Variants in MTTP observed in about 807,000 individuals in gnomAD.
MTTP encodes microsomal triglyceride transfer protein large subunit.
A neutral mutation model predicts 90.6 loss-of-function variants in MTTP; 49 were observed. The observed-to-expected ratio is 0.54, with a 90% confidence interval of 0.43 to 0.69. The LOEUF (loss-of-function observed/expected upper bound fraction) is 0.69. Ranked by LOEUF, MTTP falls within the 30% of genes least tolerant of loss-of-function variation. MTTP has a pLI of 0.00. For synonymous variants in MTTP, 347 were observed against 384.2 expected, an observed-to-expected ratio of 0.90 and a Z score of 1.13; for missense variants, 945 against 1,067.5, an observed-to-expected ratio of 0.89 and a Z score of 1.60.
intron 14 of MTTP, among the ~76,000 whole-genome samples, chr4:99,611,711 T>C (rs953257908): frequency 6.6e-6 from 1 of 152,202 alleles, no homozygotes; most frequent in African/African-American, 2.4e-5. Flanking sequence ...TTTTCAAAGG[T>C]GCACATATTC....
chr4:99,577,914 C>G (rs1046456838), intron 1 of MTTP, among the ~76,000 whole-genome samples: 4 of 152,130 alleles, frequency 2.6e-5, no homozygotes, highest in Non-Finnish European at 4.4e-5. Flanking sequence ...CTCAATCCCT[C>G]ACCCCACCCT....
intron 1 of MTTP, among the ~76,000 whole-genome samples, chr4:99,578,987 G>C (rs560067980): frequency 1.3e-5 from 2 of 152,148 alleles, no homozygotes; most frequent in African/African-American, 4.8e-5. Flanking sequence ...ATTTGAACCC[G>C]CTATAGAGTC....
At chr4:99,612,645 G>A (rs1318086990) in intron 14 of MTTP, among the ~76,000 whole-genome samples, 1 of 152,140 alleles carries the variant, frequency 6.6e-6, no homozygotes. Context: ...TATTAGCTGA[G>A]TAAACTTGAA....
rs1415163762 is a variant in MTTP, at chr4:99,606,779, G to A, written c.1376G>A (p.Gly459Glu). 8.1e-6 allele frequency: 13 copies of A among 1,613,730 alleles called. No homozygotes were observed. The highest frequency in any genetic ancestry group is 9.3e-6 in the Non-Finnish European group (11 of 1,179,980). The change falls in exon 11 of 18, where the codon GGA (glycine) becomes GAA (glutamate). Residue 459 changes from glycine (G) to glutamate (E), a missense_variant. By Grantham distance (98) the Gly-to-Glu change is moderately conservative. Transcript: ENST00000265517. ...GTGGAAGCTAAGAAGTTAATCCTGGGAGGACTTGAAAAAGCAGAGAAAAAA... is the reference window on the plus strand; with the variant it reads ...GTGGAAGCTAAGAAGTTAATCCTGGAAGGACTTGAAAAAGCAGAGAAAAAA... ...AVVEAKKLIL[G>E]GLEKAEKKED...
chr4:99,593,794 T>A (rs1725485785), intron 6 of MTTP, among the ~76,000 whole-genome samples: 1 of 152,170 alleles, frequency 6.6e-6, no homozygotes, highest in Non-Finnish European at 1.5e-5. Context: ...ATATCTATAG[T>A]GTTTTATTAT....
At chr4:99,577,640 G>C (rs1373344009) in intron 1 of MTTP, among the ~76,000 whole-genome samples, 1 of 148,302 alleles carries the variant, frequency 6.7e-6, no homozygotes, top group Non-Finnish European at 1.5e-5. Flanking sequence ...AAGAAAGAAA[G>C]GAAGGAAGAA....
chr4:99,576,887 A>G (rs1342221044), intron 1 of MTTP, among the ~76,000 whole-genome samples: 6 of 152,204 alleles, frequency 3.9e-5, no homozygotes, highest in African/African-American at 1.2e-4. Context: ...CTTTTGAGAA[A>G]AGATTACAAA....
chr4:99,614,984 T>C (rs181458523), intron 15 of MTTP, among the ~76,000 whole-genome samples: 1 of 152,214 alleles, frequency 6.6e-6, no homozygotes, highest in Non-Finnish European at 1.5e-5. Flanking sequence ...AATTTTACAT[T>C]GCACAATTCC....
chr4:99,605,113 A>G (rs547530078), intron 10 of MTTP, among the ~76,000 whole-genome samples: 3 of 152,254 alleles, frequency 2.0e-5, no homozygotes, highest in South Asian at 4.1e-4. Context: ...TATTTCTTGA[A>G]CATGTGAAAT....
chr4:99,581,265 T>C (rs1450308693), intron 1 of MTTP, among the ~76,000 whole-genome samples: 1 of 152,230 alleles, frequency 6.6e-6, no homozygotes, highest in Non-Finnish European at 1.5e-5. Context: ...CTTTTTAAAT[T>C]ACCCCATGCC....
chr4:99,590,541 G>C (rs1274362717), intron 4 of MTTP, among the ~76,000 whole-genome samples: 1 of 152,150 alleles, frequency 6.6e-6, no homozygotes, highest in Non-Finnish European at 1.5e-5. Context: ...GTCAAGGCTG[G>C]AGTCCAAGTT....
rs1336539442 is a variant in MTTP, at chr4:99,608,888, C to T, written c.1680C>T (p.Ile560=). The T allele has an allele frequency of 1.9e-6, 3 of 1,614,132 alleles. No homozygotes were observed. In the East Asian group the frequency reaches 6.7e-5, roughly 36 times the overall value. The change falls in exon 12 of 18, where the codon ATC becomes ATT. Residue 560 remains isoleucine, a synonymous_variant. Coordinates refer to ENST00000265517, the MANE Select transcript of MTTP (RefSeq NM_001386140.1). ...NNPSYMDVKN[I]LLSIGELPQE... ...CATCCTACATGGACGTCAAGAACAT[C>T]CTGCTGTCTATTGGGGAGCTTCCCC... is the stretch of plus-strand genomic sequence containing the variant.
intron 17 of MTTP, among the ~76,000 whole-genome samples, chr4:99,621,612 C>T (rs1334049794): frequency 1.3e-5 from 2 of 152,140 alleles, no homozygotes; most frequent in African/African-American, 4.8e-5. Flanking sequence ...TCAAATAAAA[C>T]ACCTGGCAAT....
chr4:99,575,373 T>C (rs1724931589), intron 1 of MTTP, among the ~76,000 whole-genome samples: 2 of 152,174 alleles, frequency 1.3e-5, no homozygotes. Context: ...AAATTTTCTT[T>C]TAGTTGCTTA....
At chr4:99,575,067 AAG>A (rs1724924460) in intron 1 of MTTP, 97 bp downstream of exon 1, 2 of 1,346,204 alleles carry the variant, frequency 1.5e-6, no homozygotes, top group African/African-American at 1.4e-5. Flanking sequence ...TGAATAGTGA[AAG>A]AGTTTCTGAC....
intron 6 of MTTP, among the ~76,000 whole-genome samples, chr4:99,592,529 TA>T (rs1202140141): frequency 6.7e-6 from 1 of 149,944 alleles, no homozygotes; most frequent in Non-Finnish European, 1.5e-5. Flanking sequence ...TTTTTATTTT[TA>T]TTTTTTTCTT....
At chr4:99,589,242 A>C (rs1015313202) in intron 3 of MTTP, among the ~76,000 whole-genome samples, 8 of 150,412 alleles carry the variant, frequency 5.3e-5, no homozygotes, top group African/African-American at 1.7e-4. Context: ...TCGTCCAAGA[A>C]CTTTTTTATT....
At chr4:99,612,564 G>A (rs1725986150) in intron 14 of MTTP, among the ~76,000 whole-genome samples, 1 of 152,100 alleles carries the variant, frequency 6.6e-6, no homozygotes, top group South Asian at 2.1e-4. Context: ...TCTGTAGGAT[G>A]CCATCATAAA....
At position 99,623,288 on chromosome 4, in the gene MTTP, A is replaced by T. The variant is rs1312930387; in HGVS notation, c.*440A>T. The T allele has an allele frequency of 1.3e-5, 2 of 158,378 alleles. No individual in the cohort carries two copies. Among genetic ancestry groups the T allele is most frequent in the African/African-American group, 4.8e-5 (2 of 41,358 alleles). 9.8% of individuals were successfully genotyped at this position (158,378 alleles called of 1,614,324 possible). ...CAAACACGTTCCCTAATCAGGAAAA[A>T]AAAAAAAAAAAAAAGTAAGACACAA... On this transcript the variant is annotated 3_prime_UTR_variant, in exon 18 of 18. Transcript: ENST00000265517.
Sources: gnomAD v4.1 joint callset for allele counts (sites outside exome capture counted in the v4.1 genomes callset) on GRCh38, gnomAD v4.1.1 for gene constraint, MANE v1.5 for transcripts, NCBI Gene and HGNC (gene_info 2026-07-23, HGNC 2026-07-21) for gene names.